The following NOS1AP variants were observed in gnomAD, a reference collection of about 807,000 sequenced individuals.
The protein encoded by NOS1AP is nitric oxide synthase 1 adaptor protein.
Under a neutral mutation model 56.2 loss-of-function variants are expected in NOS1AP, and 21 were observed. The observed-to-expected ratio is 0.37, with a 90% CI of 0.26 to 0.54. The LOEUF (loss-of-function observed/expected upper bound fraction) is 0.54. Among genes scored for constraint, NOS1AP ranks in the 20% least tolerant of loss-of-function variants. NOS1AP has a pLI of 0.84. For synonymous variants in NOS1AP, 270 were observed against 274.6 expected, an observed-to-expected ratio of 0.98 and a Z score of 0.17; for missense variants, 522 against 657.8, an observed-to-expected ratio of 0.79 and a Z score of 2.26.
intron 4 of NOS1AP, among the ~76,000 whole-genome samples, chr1:162,310,613 C>G (rs2101765903): frequency 6.6e-6 from 1 of 152,256 alleles, no homozygotes; most frequent in African/African-American, 2.4e-5. Flanking sequence ...TAGGAATTAC[C>G]CAATTTTACG....
At chr1:162,335,616 C>T (rs1446599012) in intron 5 of NOS1AP, among the ~76,000 whole-genome samples, 1 of 152,080 alleles carries the variant, frequency 6.6e-6, no homozygotes, top group Non-Finnish European at 1.5e-5. Flanking sequence ...AGAGATGTTG[C>T]TGGGTTGTTG....
At chr1:162,176,191 C>A (rs1191051735) in intron 2 of NOS1AP, among the ~76,000 whole-genome samples, 2 of 152,122 alleles carry the variant, frequency 1.3e-5, no homozygotes, top group African/African-American at 4.8e-5. Context: ...AATTTGCATG[C>A]ATTTAGGTTT....
At chr1:162,302,138 C>G (rs752610993) in intron 4 of NOS1AP, among the ~76,000 whole-genome samples, 3 of 152,120 alleles carry the variant, frequency 2.0e-5, no homozygotes, top group Non-Finnish European at 4.4e-5. Flanking sequence ...TTTTGAAATA[C>G]TTGTTATAGT....
At chr1:162,098,876 G>A (rs747512589) in intron 1 of NOS1AP, among the ~76,000 whole-genome samples, 1 of 152,196 alleles carries the variant, frequency 6.6e-6, no homozygotes. Context: ...GTATCCCATG[G>A]TGTATCTGTA....
intron 2 of NOS1AP, among the ~76,000 whole-genome samples, chr1:162,199,595 CGTGTGTGTGTGTGTGTGTGTGT>C (rs58625856): frequency 1.5e-5 from 2 of 131,590 alleles, no homozygotes; most frequent in Non-Finnish European, 3.2e-5. Context: ...GCATGGATTG[CGTGTGTGTGTGTGTGTGTGTGT>C]GTGTGTGTGT....
intron 4 of NOS1AP, among the ~76,000 whole-genome samples, chr1:162,308,877 C>T (rs1655930514): frequency 6.6e-6 from 1 of 152,202 alleles, no homozygotes; most frequent in African/African-American, 2.4e-5. Flanking sequence ...ATGGTAGAAT[C>T]TATCATTCTC....
Position 162,082,160 on chromosome 1 carries a change from C to T in NOS1AP, c.105+11878C>T, listed in dbSNP as rs146594817. Among the ~76,000 whole-genome samples the T allele has an allele frequency of 2.1e-4, 32 of 149,494 alleles. 1 individual carries two copies. The highest frequency in any genetic ancestry group is 6.4e-4 in the African/African-American group (26 of 40,658). ...GTGTCCATGTGTTCTCATCATTTAG[C>T]TCCCACTTATAAGTGAGAACATGCA... On this transcript the variant is annotated intron_variant, in intron 1 of 9. Transcript: ENST00000361897.
intron 2 of NOS1AP, among the ~76,000 whole-genome samples, chr1:162,191,694 G>T (rs559837361): frequency 6.6e-6 from 1 of 152,028 alleles, no homozygotes; most frequent in Non-Finnish European, 1.5e-5. Flanking sequence ...AAGGCCTGGG[G>T]GTAAGAGAGA....
rs149100057 is a variant in NOS1AP at position 162,083,460 on chromosome 1, C to G, written c.105+13178C>G. 3.5e-3 allele frequency among the ~76,000 whole-genome samples: 532 copies of G among 152,234 alleles called. 14 individuals carry two copies. The highest frequency in any genetic ancestry group is 0.027 in the Admixed American group (420 of 15,290). ...CTCACTATATTGCCCAGTCTGGTCT[C>G]AAACTCCTGGGCTCAAGCAATCCTC... On this transcript the variant is annotated intron_variant, in intron 1 of 9. Coordinates refer to ENST00000361897, the MANE Select transcript of NOS1AP (RefSeq NM_014697.3).
At chr1:162,364,169 C>G (rs1458884709) in intron 8 of NOS1AP, 1 of 985,312 alleles carries the variant, frequency 1.0e-6, no homozygotes, top group Non-Finnish European at 1.2e-6. Flanking sequence ...GTTTTCTGAG[C>G]AAGGGAATCA....
intron 2 of NOS1AP, among the ~76,000 whole-genome samples, chr1:162,202,988 C>G (rs962402077): frequency 1.3e-5 from 2 of 152,028 alleles, no homozygotes; most frequent in Admixed American, 1.3e-4. Context: ...TTTTTGGCAG[C>G]CTTTTTTGGT....
At chr1:162,133,358 C>T (rs1648836401) in intron 1 of NOS1AP, among the ~76,000 whole-genome samples, 1 of 152,128 alleles carries the variant, frequency 6.6e-6, no homozygotes, top group African/African-American at 2.4e-5. Flanking sequence ...TGATTCTTGC[C>T]TAGGACCAAT....
At chr1:162,313,180 C>T (rs1181449751) in intron 4 of NOS1AP, among the ~76,000 whole-genome samples, 3 of 152,178 alleles carry the variant, frequency 2.0e-5, no homozygotes, top group Non-Finnish European at 2.9e-5. Flanking sequence ...AGGGTGTCTC[C>T]CATGCCCTCA....
chr1:162,226,765 A>G (rs1226112108), intron 2 of NOS1AP, among the ~76,000 whole-genome samples: 2 of 152,212 alleles, frequency 1.3e-5, no homozygotes, highest in African/African-American at 2.4e-5. Context: ...GCTGCTAGTT[A>G]GAGAACAAGT....
intron 2 of NOS1AP, among the ~76,000 whole-genome samples, chr1:162,266,604 T>G (rs1388530386): frequency 1.3e-5 from 2 of 152,190 alleles, no homozygotes; most frequent in African/African-American, 4.8e-5. Flanking sequence ...TTCTGGTTCA[T>G]GGTCTTTTCC....
chr1:162,245,094 T>G (rs1237259558), intron 2 of NOS1AP, among the ~76,000 whole-genome samples: 2 of 152,156 alleles, frequency 1.3e-5, no homozygotes, highest in Non-Finnish European at 2.9e-5. Context: ...ACTAGTAGGA[T>G]ATTTTGTTTT....
intron 1 of NOS1AP, among the ~76,000 whole-genome samples, chr1:162,142,917 T>A (rs1649298423): frequency 6.6e-6 from 1 of 152,214 alleles, no homozygotes; most frequent in African/African-American, 2.4e-5. Flanking sequence ...AAACTTTATA[T>A]TTAAGTGGGG....
chr1:162,292,989 A>C (rs1396484648), intron 3 of NOS1AP, among the ~76,000 whole-genome samples: 1 of 152,192 alleles, frequency 6.6e-6, no homozygotes, highest in Non-Finnish European at 1.5e-5. Context: ...CCTAAACTTC[A>C]TCCAGTCTTC....
chr1:162,244,517 G>C (rs1653594885), intron 2 of NOS1AP, among the ~76,000 whole-genome samples: 1 of 152,174 alleles, frequency 6.6e-6, no homozygotes, highest in Non-Finnish European at 1.5e-5. Flanking sequence ...AGTGCTTTGA[G>C]AGATTAAGTG....
Sources: allele counts gnomAD v4.1 joint callset (sites outside exome capture counted in the v4.1 genomes callset), GRCh38; gene constraint gnomAD v4.1.1; transcripts MANE v1.5; gene names NCBI Gene and HGNC (gene_info 2026-07-23, HGNC 2026-07-21).